The following PSMD1 variants were observed in gnomAD, a reference collection of about 807,000 sequenced individuals.
The protein encoded by PSMD1 is proteasome 26S subunit, non-ATPase 1.
A neutral mutation model predicts 119.0 loss-of-function variants in PSMD1; 18 were observed. The ratio of observed to expected loss-of-function variants is 0.15; its 90% CI spans 0.10 to 0.22. The LOEUF (loss-of-function observed/expected upper bound fraction) is 0.22. Ranked by LOEUF, PSMD1 falls within the 10% of genes least tolerant of loss-of-function variation. PSMD1 has a pLI of 1.00. For missense variants in PSMD1, 702 were observed against 1,158.5 expected, an observed-to-expected ratio of 0.61 and a Z score of 5.72; for synonymous variants, 374 against 396.6, an observed-to-expected ratio of 0.94 and a Z score of 0.68.
chr2:231,104,734 C>T (rs557365620), intron 16 of PSMD1, among the ~76,000 whole-genome samples: 1 of 152,244 alleles, frequency 6.6e-6, no homozygotes, highest in Admixed American at 6.5e-5. Context: ...GTGCTTTCTC[C>T]ACCTTGCTTT....
chr2:231,082,160 T>C (rs545145243), intron 12 of PSMD1, among the ~76,000 whole-genome samples: 90 of 152,334 alleles, frequency 5.9e-4, no homozygotes, highest in African/African-American at 1.9e-3. Flanking sequence ...CTTCCTGGGC[T>C]CAGGCCGTTC....
rs1383448491 is a variant in PSMD1 at position 231,075,506 on chromosome 2, T to C, written c.882-5T>C. On this transcript the variant is annotated splice_region_variant and splice_polypyrimidine_tract_variant and intron_variant, in intron 7 of 24. Coordinates refer to ENST00000308696, the MANE Select transcript of PSMD1 (RefSeq NM_002807.4). ...AGAAAAAATTATTGGTTCTTTTCAT[T>C]TCAGTGACTCGATGGAAACAGAAGA... is the stretch of plus-strand genomic sequence containing the variant. The C allele has an allele frequency of 6.2e-7, 1 of 1,613,170 alleles. No homozygotes were observed. The highest frequency in any genetic ancestry group is 1.7e-5 in the Admixed American group (1 of 59,904).
At chr2:231,134,958 C>G (rs1432729730) in intron 16 of PSMD1, among the ~76,000 whole-genome samples, 1 of 152,150 alleles carries the variant, frequency 6.6e-6, no homozygotes, top group Non-Finnish European at 1.5e-5. Flanking sequence ...CTCTCTTTGT[C>G]TCTTATTAAG....
At chr2:231,066,777 A>C (rs1693917971) in intron 4 of PSMD1, 129 bp from the exon 5 acceptor site, 2 of 672,482 alleles carry the variant, frequency 3.0e-6, no homozygotes, top group Admixed American at 6.9e-5. Flanking sequence ...CATAAGTTCT[A>C]GCATTTCAAA....
intron 16 of PSMD1, among the ~76,000 whole-genome samples, chr2:231,121,116 TTAGA>T (rs796524198): frequency 5.1e-4 from 77 of 152,322 alleles, no homozygotes; most frequent in African/African-American, 1.8e-3. Context: ...CAATAATGTA[TTAGA>T]TAGTAGTTCA....
chr2:231,163,158 A>G (rs149454406), intron 20 of PSMD1: 2 of 152,582 alleles, frequency 1.3e-5, no homozygotes, highest in African/African-American at 4.8e-5. Flanking sequence ...AAAACTGGTC[A>G]CTAGGTAATG....
chr2:231,147,341 A>G (rs1574769876), intron 18 of PSMD1, among the ~76,000 whole-genome samples: 1 of 152,186 alleles, frequency 6.6e-6, no homozygotes, highest in East Asian at 1.9e-4. Flanking sequence ...CAAAGAATTA[A>G]AAAGGAATTA....
At chr2:231,147,045 A>G (rs1696267727) in intron 18 of PSMD1, among the ~76,000 whole-genome samples, 1 of 152,218 alleles carries the variant, frequency 6.6e-6, no homozygotes, top group Admixed American at 6.5e-5. Context: ...TGGACACTCC[A>G]AGTGGACCCT....
chr2:231,088,631 A>G (rs1451273030), intron 16 of PSMD1, among the ~76,000 whole-genome samples: 4 of 152,216 alleles, frequency 2.6e-5, no homozygotes, highest in South Asian at 2.1e-4. Flanking sequence ...AGCAAACTCA[A>G]TCAATAAATG....
intron 15 of PSMD1, among the ~76,000 whole-genome samples, chr2:231,085,923 T>C (rs900992601): frequency 1.3e-5 from 2 of 152,296 alleles, no homozygotes; most frequent in South Asian, 4.1e-4. Flanking sequence ...TTCCCAGAGA[T>C]AATATTTTCC....
chr2:231,070,253 T>C, intron 6 of PSMD1, 85 bp downstream of exon 6: 1 of 1,100,322 alleles, frequency 9.1e-7, no homozygotes, highest in Non-Finnish European at 1.2e-6. Flanking sequence ...TTACTTTATA[T>C]TACTATAATG....
chr2:231,103,289 C>G (rs1442972296), intron 16 of PSMD1, among the ~76,000 whole-genome samples: 1 of 152,182 alleles, frequency 6.6e-6, no homozygotes, highest in Non-Finnish European at 1.5e-5. Flanking sequence ...GTGTTATCCT[C>G]TAACTCTCAT....
Position 231,066,922 on chromosome 2 carries a change from C to G in PSMD1, c.321C>G (p.His107Gln), listed in dbSNP as rs1235661062. The G allele has an allele frequency of 3.1e-6, 5 of 1,607,824 alleles. No individual in the cohort carries two copies. Among genetic ancestry groups the G allele is most frequent in the Admixed American group, 1.7e-5 (1 of 58,996 alleles). ...CCTCAACAGCAAAATGCATTGATCA[C>G]TACACCAAACAATGTGTGGAAAATG... ...VETIIAKCID[H>Q]YTKQCVENAD... Residue 107 changes from histidine to glutamine, a missense_variant, in exon 5 of 25, where the codon CAC becomes CAG. Transcript: ENST00000308696.
rs868573168 is a variant in PSMD1 at position 231,099,902 on chromosome 2, C to T, written c.1883+12721C>T. On this transcript the variant is annotated intron_variant, in intron 16 of 24. Transcript: ENST00000308696. ...CCTGACCACCAAGGAAATACTTTACCGGCTCCCACGGCTTCTCCTTCCTTG... is the reference window on the plus strand; with the variant it reads ...CCTGACCACCAAGGAAATACTTTACTGGCTCCCACGGCTTCTCCTTCCTTG... 4.6e-5 allele frequency among the ~76,000 whole-genome samples: 7 copies of T among 152,182 alleles called. No individual in the cohort carries two copies. In the South Asian group the frequency reaches 8.3e-4, roughly 18 times the overall value.
intron 16 of PSMD1, among the ~76,000 whole-genome samples, chr2:231,100,589 A>G (rs1035964452): frequency 3.9e-5 from 6 of 152,202 alleles, no homozygotes; most frequent in African/African-American, 1.4e-4. Flanking sequence ...AGGTAATCAA[A>G]AAAGGTTCCT....
chr2:231,108,191 A>G lies in PSMD1; in HGVS notation c.1883+21010A>G, dbSNP rs535286725. The G allele has an allele frequency of 1.1e-5, 3 of 275,686 alleles. No individual in the cohort carries two copies. The South Asian group carries it at 1.3e-4, about 12-fold the overall frequency. 17.1% of individuals were successfully genotyped at this position (275,686 alleles called of 1,614,324 possible). A position where few individuals can be genotyped will look rare whatever the true frequency, so the allele number is the denominator to read the frequency against. On this transcript the variant is annotated intron_variant, in intron 16 of 24. Transcript: ENST00000308696. ...TATTTCATTCTTAGCACAACTTTGC[A>G]TATAATTAGAAACCAAATAAATTTT...
chr2:231,080,514 C>T (rs572522061), intron 12 of PSMD1, among the ~76,000 whole-genome samples, 200 bp downstream of exon 12: 7 of 151,950 alleles, frequency 4.6e-5, no homozygotes, highest in South Asian at 2.1e-4. Context: ...TTAAACCCTG[C>T]GTGTATTTGT....
intron 16 of PSMD1, among the ~76,000 whole-genome samples, chr2:231,099,818 CA>C (rs1397083494): frequency 6.6e-6 from 1 of 152,204 alleles, no homozygotes; most frequent in African/African-American, 2.4e-5. Flanking sequence ...ACCTCTAAGC[CA>C]CCCCGACCAA....
intron 1 of PSMD1, 30 bp downstream of exon 1, chr2:231,057,071 G>A: frequency 6.7e-7 from 1 of 1,495,754 alleles, no homozygotes; most frequent in Non-Finnish European, 8.9e-7. Context: ...AGCGCCTGGA[G>A]GGAGGAGCCG....
Sources: gnomAD v4.1 joint callset for allele counts (sites outside exome capture counted in the v4.1 genomes callset) on GRCh38, gnomAD v4.1.1 for gene constraint, MANE v1.5 for transcripts, NCBI Gene and HGNC (gene_info 2026-07-23, HGNC 2026-07-21) for gene names.